The following WNK1 variants were observed in gnomAD, a reference collection of about 807,000 sequenced individuals.
WNK1 encodes the protein WNK lysine deficient protein kinase 1.
A neutral mutation model predicts 222.8 loss-of-function variants in WNK1; 38 were observed. The ratio of observed to expected loss-of-function variants is 0.17; its 90% CI spans 0.13 to 0.22. The LOEUF is 0.22. Among genes scored for constraint, WNK1 ranks in the 10% least tolerant of loss-of-function variants. The probability of loss-of-function intolerance (pLI) is 1.00; values close to 1 mark genes in which losing one functional copy is unlikely to be tolerated. For synonymous variants in WNK1, 1,090 were observed against 1,092.9 expected (o/e 1.00, Z 0.05); for missense variants, 2,348 against 2,918.4 (o/e 0.80, Z 4.50).
intron 4 of WNK1, among the ~76,000 whole-genome samples, chr12:845,046 C>A (rs1257273916): frequency 6.6e-6 from 1 of 150,772 alleles, no homozygotes; most frequent in Non-Finnish European, 1.5e-5. Context: ...CAGGCGCCCG[C>A]CACTACGCCC....
At chr12:820,576 A>G (rs982691496) in intron 2 of WNK1, among the ~76,000 whole-genome samples, 4 of 150,808 alleles carry the variant, frequency 2.7e-5, no homozygotes, top group Non-Finnish European at 4.4e-5. Context: ...CTAGGCTTAA[A>G]GGATCCTCCC....
At chr12:825,929 C>A (rs1418687137) in intron 2 of WNK1, among the ~76,000 whole-genome samples, 1 of 152,148 alleles carries the variant, frequency 6.6e-6, no homozygotes, top group Non-Finnish European at 1.5e-5. Context: ...GGAACTCAAT[C>A]CCCAGATGTA....
chr12:857,507 C>A (rs1950874469), intron 5 of WNK1, among the ~76,000 whole-genome samples: 1 of 152,176 alleles, frequency 6.6e-6, no homozygotes. Flanking sequence ...ATGAGAACTG[C>A]TTACTTAAAA....
intron 14 of WNK1, 137 bp downstream of exon 14, chr12:882,210 T>G: frequency 9.3e-7 from 1 of 1,072,884 alleles, no homozygotes; most frequent in Non-Finnish European, 1.3e-6. Flanking sequence ...AATTTTTTTT[T>G]TTTTTAGACG....
At chr12:881,810 C>A (rs1953189614) in intron 13 of WNK1, 21 bp downstream of exon 13, 1 of 1,613,914 alleles carries the variant, frequency 6.2e-7, no homozygotes, top group Non-Finnish European at 8.5e-7. Flanking sequence ...CTAGAATTCT[C>A]CTTCCTTGAC....
chr12:796,848 C>T (rs1379508912), intron 1 of WNK1, among the ~76,000 whole-genome samples: 1 of 151,272 alleles, frequency 6.6e-6, no homozygotes, highest in African/African-American at 2.4e-5. Context: ...TTACACTTCT[C>T]TCTGTTCCAC....
intron 1 of WNK1, among the ~76,000 whole-genome samples, chr12:811,908 A>G (rs1205569900): frequency 3.3e-5 from 5 of 152,212 alleles, no homozygotes; most frequent in Non-Finnish European, 5.9e-5. Context: ...AAAGGATAAA[A>G]ACACTTAGCT....
intron 4 of WNK1, among the ~76,000 whole-genome samples, chr12:831,104 T>C (rs1456688577): frequency 7.9e-5 from 12 of 152,200 alleles, no homozygotes; most frequent in Non-Finnish European, 1.6e-4. Flanking sequence ...TTAAAATGGT[T>C]GGGGTAGGTT....
At chr12:873,450 T>A (rs1952337857) in intron 9 of WNK1, among the ~76,000 whole-genome samples, 1 of 152,210 alleles carries the variant, frequency 6.6e-6, no homozygotes, top group Non-Finnish European at 1.5e-5. Flanking sequence ...GTTTTTGTTT[T>A]AGATACTTTT....
In WNK1 at chr12:882,445, T is replaced by C. The variant is rs925691180; in HGVS notation, c.3372+372T>C. 4.6e-5 allele frequency among the ~76,000 whole-genome samples: 7 copies of C among 152,206 alleles called. No individual in the cohort carries two copies. In the East Asian group the frequency reaches 5.8e-4, roughly 13 times the overall value. On this transcript the variant is annotated intron_variant, in intron 14 of 27. Transcript: ENST00000315939. Reference sequence around the variant, plus strand: ...AACTCCTGACCTCAGGTGACTCACCTGCCTCAGCCTCCCAAACCACTGGGA... The same window carrying C: ...AACTCCTGACCTCAGGTGACTCACCCGCCTCAGCCTCCCAAACCACTGGGA...
intron 11 of WNK1, 59 bp downstream of exon 11, chr12:880,090 G>C: frequency 1.3e-6 from 2 of 1,518,486 alleles, no homozygotes; most frequent in Non-Finnish European, 1.8e-6. Context: ...AGATCATCAG[G>C]AACATGGAAA....
chr12:867,096 G>T (rs1400851965), intron 8 of WNK1, among the ~76,000 whole-genome samples: 1 of 152,042 alleles, frequency 6.6e-6, no homozygotes, highest in Non-Finnish European at 1.5e-5. Context: ...ACTCCAGCCT[G>T]GGCGAAAGAG....
intron 1 of WNK1, among the ~76,000 whole-genome samples, chr12:811,456 C>T (rs1358272898): frequency 1.3e-5 from 2 of 152,044 alleles, no homozygotes; most frequent in Non-Finnish European, 2.9e-5. Context: ...TTCTGTTTTT[C>T]ATGTGAATTT....
intron 1 of WNK1, among the ~76,000 whole-genome samples, chr12:781,859 A>C (rs11064527): frequency 0.13 from 19,979 of 151,974 alleles, 1,686 homozygotes; most frequent in Middle Eastern, 0.21. Flanking sequence ...AGTCTTCTCT[A>C]GTTCTGTCAG....
intron 24 of WNK1, among the ~76,000 whole-genome samples, chr12:897,274 G>A: frequency 6.6e-6 from 1 of 152,136 alleles, no homozygotes; most frequent in Admixed American, 6.5e-5. Flanking sequence ...ATTTGTTGTT[G>A]GCTAGGAGCT....
chr12:891,124 A>C (rs566073512), intron 22 of WNK1, among the ~76,000 whole-genome samples: 57 of 152,308 alleles, frequency 3.7e-4, no homozygotes, highest in Admixed American at 3.6e-3. Flanking sequence ...TAGCTTTTCA[A>C]ATCATTGGAA....
rs1338961028 is a variant in WNK1, at chr12:869,024, T to C, written c.2140-2241T>C. 4 of 1,611,870 alleles carry C rather than the reference T, an allele frequency of 2.5e-6. No homozygotes were observed. Among genetic ancestry groups the C allele is most frequent in the Non-Finnish European group, 3.4e-6 (4 of 1,179,090 alleles). On this transcript the variant is annotated intron_variant, in intron 8 of 27. Transcript: ENST00000315939. ...AGTGTTACAAGAATCCCCACTTTTC[T>C]TCTGTTTCCCCCAAGGAACCACATC... is the stretch of plus-strand genomic sequence containing the variant.
chr12:908,861 G>GGGGGGGGGC lies in WNK1; in HGVS notation c.*69_*70insGGGGGGGGC. The GGGGGGGGGC allele has an allele frequency of 2.0e-6, 1 of 491,846 alleles. No individual in the cohort carries two copies. Among genetic ancestry groups the GGGGGGGGGC allele is most frequent in the Non-Finnish European group, 4.1e-6 (1 of 241,770 alleles). 30.5% of individuals were successfully genotyped at this position (491,846 alleles called of 1,614,324 possible). A position where few individuals can be genotyped will look rare whatever the true frequency, so the allele number is the denominator to read the frequency against. ...ATGCTGAGGGGGTGGGTGGGGGTGG[G>GGGGGGGGGC]AAGTAGCCTATATACTAACTACTAG... On this transcript the variant is annotated 3_prime_UTR_variant, in exon 28 of 28. Coordinates refer to ENST00000315939, the MANE Select transcript of WNK1 (RefSeq NM_018979.4).
chr12:903,583 C>A (rs1955452048), intron 26 of WNK1, among the ~76,000 whole-genome samples: 1 of 152,116 alleles, frequency 6.6e-6, no homozygotes, highest in Non-Finnish European at 1.5e-5. Flanking sequence ...TCCATAAATT[C>A]TCATCCCACT....
Sources: gnomAD v4.1 joint callset for allele counts (sites outside exome capture counted in the v4.1 genomes callset) on GRCh38, gnomAD v4.1.1 for gene constraint, MANE v1.5 for transcripts, NCBI Gene and HGNC (gene_info 2026-07-23, HGNC 2026-07-21) for gene names.